Variants in KCNH8 observed in about 807,000 individuals in gnomAD.
KCNH8 encodes the protein potassium voltage-gated channel subfamily H member 8, also known as voltage-gated delayed rectifier potassium channel KCNH8.
Under a neutral mutation model 103.6 loss-of-function variants are expected in KCNH8, and 70 were observed. That is an observed-to-expected ratio of 0.68 (90% CI 0.56 to 0.82). KCNH8 has a LOEUF of 0.82. KCNH8 is among the 40% of genes least tolerant of loss of function. The probability of loss-of-function intolerance (pLI) is 0.00; values close to 1 mark genes in which losing one functional copy is unlikely to be tolerated. For missense variants in KCNH8, 1,217 were observed against 1,329.9 expected (o/e 0.92, Z 1.32); for synonymous variants, 498 against 489.4 (o/e 1.02, Z -0.23).
At chr3:19,443,765 A>G (rs2067318082) in intron 8 of KCNH8, among the ~76,000 whole-genome samples, 1 of 151,998 alleles carries the variant, frequency 6.6e-6, no homozygotes, top group Non-Finnish European at 1.5e-5. Context: ...ATTTCTATAT[A>G]CTAGTAACAA....
At chr3:19,412,162 C>T (rs867815212) in intron 7 of KCNH8, among the ~76,000 whole-genome samples, 15 of 152,014 alleles carry the variant, frequency 9.9e-5, no homozygotes, top group Admixed American at 6.6e-4. Context: ...GCTACCATAG[C>T]CAAAACATCA....
chr3:19,533,955 G>C lies in KCNH8; in HGVS notation c.3180G>C (p.Val1060=), dbSNP rs2069220053. ...SEEGSFSQGT[V]SSFSLENLPG... Reference sequence around the variant, plus strand: ...AGGGCAGCTTCAGTCAGGGAACTGTGAGTTCCTTCAGTCTGGAAAACTTAC... The same window carrying C: ...AGGGCAGCTTCAGTCAGGGAACTGTCAGTTCCTTCAGTCTGGAAAACTTAC... The change falls in exon 16 of 16, where the codon GTG becomes GTC. Residue 1060 remains valine, a synonymous_variant. Coordinates refer to ENST00000328405, the MANE Select transcript of KCNH8 (RefSeq NM_144633.3). 6.2e-7 allele frequency: 1 copy of C among 1,613,942 alleles called. No individual in the cohort carries two copies. Among genetic ancestry groups the C allele is most frequent in the African/African-American group, 1.3e-5 (1 of 74,928 alleles).
chr3:19,180,803 T>A (rs2063445373), intron 1 of KCNH8, among the ~76,000 whole-genome samples: 1 of 152,204 alleles, frequency 6.6e-6, no homozygotes, highest in African/African-American at 2.4e-5. Context: ...GAGAGCATAT[T>A]TTTAGATGAT....
chr3:19,374,610 G>A lies in KCNH8; in HGVS notation c.812-15871G>A, dbSNP rs1156652228. 2.6e-5 allele frequency among the ~76,000 whole-genome samples: 4 copies of A among 151,976 alleles called. No individual in the cohort carries two copies. In the East Asian group the frequency reaches 5.8e-4, roughly 22 times the overall value. On this transcript the variant is annotated intron_variant, in intron 5 of 15. Coordinates refer to ENST00000328405, the MANE Select transcript of KCNH8 (RefSeq NM_144633.3). ...GAGCATTTAGTCCATTTACATTTAA[G>A]GTTAATATTGTTATGTGTGAATTCG...
intron 3 of KCNH8, among the ~76,000 whole-genome samples, chr3:19,303,633 A>G (rs749358958): frequency 1.3e-5 from 2 of 152,158 alleles, no homozygotes; most frequent in African/African-American, 4.8e-5. Context: ...GTTCCCTGGA[A>G]AGCAAAATTA....
At chr3:19,230,701 CA>C (rs1182153523) in intron 1 of KCNH8, among the ~76,000 whole-genome samples, 1 of 150,820 alleles carries the variant, frequency 6.6e-6, no homozygotes, top group Non-Finnish European at 1.5e-5. Flanking sequence ...TTATTGTGCT[CA>C]AGAAAAAACA....
At chr3:19,459,086 C>T (rs1312304187) in intron 11 of KCNH8, among the ~76,000 whole-genome samples, 1 of 151,964 alleles carries the variant, frequency 6.6e-6, no homozygotes, top group Non-Finnish European at 1.5e-5. Flanking sequence ...CTTTAAGATA[C>T]TGATTTCATT....
intron 5 of KCNH8, among the ~76,000 whole-genome samples, chr3:19,362,321 A>G (rs187618523): frequency 2.2e-4 from 34 of 151,988 alleles, no homozygotes; most frequent in African/African-American, 7.7e-4. Context: ...AGGATGTGAC[A>G]AGACAGGGGA....
At chr3:19,296,436 T>C (rs1276689533) in intron 3 of KCNH8, among the ~76,000 whole-genome samples, 1 of 152,204 alleles carries the variant, frequency 6.6e-6, no homozygotes, top group African/African-American at 2.4e-5. Context: ...TGATGAAAAC[T>C]TCAGAACTTA....
At chr3:19,251,939 A>G (rs2064283854) in intron 1 of KCNH8, among the ~76,000 whole-genome samples, 1 of 152,148 alleles carries the variant, frequency 6.6e-6, no homozygotes, top group African/African-American at 2.4e-5. Flanking sequence ...AACATACTAT[A>G]CTGAATCTTG....
At chr3:19,380,568 C>G (rs1052003017) in intron 5 of KCNH8, among the ~76,000 whole-genome samples, 1 of 152,202 alleles carries the variant, frequency 6.6e-6, no homozygotes. Flanking sequence ...ATTCTTGGCT[C>G]TTAAATACCT....
intron 11 of KCNH8, among the ~76,000 whole-genome samples, chr3:19,466,624 G>A (rs1183411903): frequency 7.4e-6 from 1 of 134,692 alleles, no homozygotes; most frequent in Non-Finnish European, 1.6e-5. Context: ...AGACTCAGAT[G>A]ATTGTTAACA....
chr3:19,280,428 C>A (rs2064740528), intron 2 of KCNH8, among the ~76,000 whole-genome samples: 1 of 152,080 alleles, frequency 6.6e-6, no homozygotes, highest in African/African-American at 2.4e-5. Flanking sequence ...TTTCTAATCA[C>A]AATTTCCCCA....
At chr3:19,415,078 A>G (rs1028537151) in intron 7 of KCNH8, among the ~76,000 whole-genome samples, 1 of 151,954 alleles carries the variant, frequency 6.6e-6, no homozygotes, top group Non-Finnish European at 1.5e-5. Flanking sequence ...TACTACACAA[A>G]TGTGTTAGTA....
chr3:19,200,634 T>C (rs2063648445), intron 1 of KCNH8, among the ~76,000 whole-genome samples: 1 of 152,142 alleles, frequency 6.6e-6, no homozygotes, highest in African/African-American at 2.4e-5. Flanking sequence ...TAGCTCAGCT[T>C]CATCTTTATT....
At chr3:19,421,357 C>T (rs1185262544) in intron 7 of KCNH8, among the ~76,000 whole-genome samples, 1 of 152,038 alleles carries the variant, frequency 6.6e-6, no homozygotes, top group African/African-American at 2.4e-5. Context: ...TCTTCACTGT[C>T]TTGATCCCTA....
chr3:19,450,759 A>C, intron 9 of KCNH8: 1 of 268,382 alleles, frequency 3.7e-6, no homozygotes, highest in Non-Finnish European at 7.2e-6. Context: ...CCATTTCATC[A>C]ACCCACCAGC....
chr3:19,499,087 G>A (rs1183282698), intron 11 of KCNH8, among the ~76,000 whole-genome samples: 1 of 152,158 alleles, frequency 6.6e-6, no homozygotes, highest in Non-Finnish European at 1.5e-5. Flanking sequence ...ATACAGAGAA[G>A]TGCTTAAAGG....
chr3:19,442,336 G>A (rs2125175441), intron 8 of KCNH8, among the ~76,000 whole-genome samples: 1 of 152,212 alleles, frequency 6.6e-6, no homozygotes, highest in South Asian at 2.1e-4. Context: ...TTCTACTCCT[G>A]ATGATAATTT....
Sources: gnomAD v4.1 joint callset for allele counts (sites outside exome capture counted in the v4.1 genomes callset) on GRCh38, gnomAD v4.1.1 for gene constraint, MANE v1.5 for transcripts, NCBI Gene and HGNC (gene_info 2026-07-23, HGNC 2026-07-21) for gene names.